SYN3: variants seen among roughly 807,000 people sequenced by gnomAD.
The protein encoded by SYN3 is synapsin III.
Under a neutral mutation model 65.8 loss-of-function variants are expected in SYN3, and 35 were observed. That is an observed-to-expected ratio of 0.53 (90% CI 0.41 to 0.70). The LOEUF (loss-of-function observed/expected upper bound fraction) is 0.70. Among genes scored for constraint, SYN3 ranks in the 30% least tolerant of loss-of-function variants. SYN3 has a pLI of 0.00. For missense variants in SYN3, 680 were observed against 749.0 expected (o/e 0.91, Z 1.08); for synonymous variants, 270 against 292.9 (o/e 0.92, Z 0.80).
chr22:32,926,876 C>T (rs192594218), intron 4 of SYN3, among the ~76,000 whole-genome samples: 1 of 152,282 alleles, frequency 6.6e-6, no homozygotes, highest in Non-Finnish European at 1.5e-5. Flanking sequence ...CATTTATAGC[C>T]TTGAAGAGAC....
chr22:33,031,651 A>G (rs540203088), intron 1 of SYN3, among the ~76,000 whole-genome samples: 13 of 151,526 alleles, frequency 8.6e-5, no homozygotes, highest in African/African-American at 2.9e-4. Context: ...CTCATTTTCC[A>G]CATCCGAGCT....
intron 6 of SYN3, among the ~76,000 whole-genome samples, chr22:32,665,233 G>T (rs1156824405): frequency 6.6e-6 from 1 of 151,818 alleles, no homozygotes; most frequent in Non-Finnish European, 1.5e-5. Flanking sequence ...CCTGGCCTCA[G>T]GTGATCCACC....
intron 6 of SYN3, among the ~76,000 whole-genome samples, chr22:32,821,531 G>A (rs1329452189): frequency 1.3e-5 from 2 of 152,204 alleles, no homozygotes; most frequent in Non-Finnish European, 2.9e-5. Context: ...TAACAGACAG[G>A]GATGGAGTGG....
chr22:32,573,344 A>G (rs2058805315), intron 7 of SYN3, among the ~76,000 whole-genome samples: 2 of 152,180 alleles, frequency 1.3e-5, no homozygotes, highest in East Asian at 3.9e-4. Flanking sequence ...TTCTGGTGCA[A>G]TCCTCAGAAT....
chr22:33,041,453 C>T (rs1039998622), intron 1 of SYN3, among the ~76,000 whole-genome samples: 4 of 151,948 alleles, frequency 2.6e-5, no homozygotes, highest in African/African-American at 9.7e-5. Flanking sequence ...CGCCACCACA[C>T]CCAGCTAATA....
intron 6 of SYN3, among the ~76,000 whole-genome samples, chr22:32,741,349 T>G (rs1415047245): frequency 8.2e-6 from 1 of 121,850 alleles, no homozygotes; most frequent in African/African-American, 3.8e-5. Context: ...AGAGCCCAAT[T>G]TTTTTTTTTT....
chr22:33,009,749 TAAACACAC>T (rs1569402511), intron 1 of SYN3, among the ~76,000 whole-genome samples: 1 of 90,132 alleles, frequency 1.1e-5, no homozygotes, highest in Non-Finnish European at 2.4e-5. Flanking sequence ...TATACGTATC[TAAACACAC>T]ACACACACAC....
At chr22:32,534,065 A>G (rs2058122353) in intron 9 of SYN3, among the ~76,000 whole-genome samples, 170 bp from the exon 10 acceptor site, 1 of 152,196 alleles carries the variant, frequency 6.6e-6, no homozygotes, top group Non-Finnish European at 1.5e-5. Context: ...AAAGACGGAG[A>G]GAGAGTTGGA....
intron 6 of SYN3, among the ~76,000 whole-genome samples, chr22:32,785,833 G>A (rs917704574): frequency 6.6e-6 from 1 of 152,176 alleles, no homozygotes; most frequent in African/African-American, 2.4e-5. Context: ...ACAGGACTGT[G>A]TCTGTCTTGC....
chr22:32,583,180 G>A (rs548798789), intron 7 of SYN3: 4 of 152,406 alleles, frequency 2.6e-5, no homozygotes, highest in African/African-American at 9.6e-5. Context: ...CACATGGACA[G>A]ACACACACCC....
intron 4 of SYN3, among the ~76,000 whole-genome samples, chr22:32,910,068 C>G (rs906363563): frequency 6.6e-6 from 1 of 152,148 alleles, no homozygotes; most frequent in Non-Finnish European, 1.5e-5. Flanking sequence ...AGCCACTGCT[C>G]TGGGAAATCA....
intron 1 of SYN3, among the ~76,000 whole-genome samples, chr22:33,041,391 C>G (rs962338982): frequency 6.6e-6 from 1 of 150,550 alleles, no homozygotes; most frequent in Non-Finnish European, 1.5e-5. Context: ...CCCAGGTTCA[C>G]GCCATTCTGC....
intron 4 of SYN3, among the ~76,000 whole-genome samples, chr22:32,924,286 CT>C (rs1433107193): frequency 6.6e-6 from 1 of 152,226 alleles, no homozygotes; most frequent in Non-Finnish European, 1.5e-5. Context: ...TCACAGGCTA[CT>C]TAGTGTGTGT....
chr22:32,572,417 T>C (rs2058783533), intron 7 of SYN3, among the ~76,000 whole-genome samples: 1 of 4,304 alleles, frequency 2.3e-4, no homozygotes, highest in Non-Finnish European at 6.9e-4. Context: ...CTGTCTTTCC[T>C]TCCTTCTTCC....
At chr22:32,850,564 C>A (rs1041176008) in intron 6 of SYN3, among the ~76,000 whole-genome samples, 2 of 152,008 alleles carry the variant, frequency 1.3e-5, no homozygotes, top group African/African-American at 4.8e-5. Flanking sequence ...CCAGGGAGGC[C>A]GTGAGGGAGA....
intron 3 of SYN3, among the ~76,000 whole-genome samples, chr22:32,942,117 G>C (rs1227879731): frequency 6.6e-6 from 1 of 152,222 alleles, no homozygotes; most frequent in Non-Finnish European, 1.5e-5. Context: ...CCAGCATGGA[G>C]TTTGAGATCT....
intron 6 of SYN3, among the ~76,000 whole-genome samples, chr22:32,718,267 C>T (rs1178498661): frequency 6.6e-6 from 1 of 152,090 alleles, no homozygotes; most frequent in Non-Finnish European, 1.5e-5. Context: ...CTGCCTTGCC[C>T]TCTCCATCAG....
At chr22:32,831,338 G>A (rs1027964959) in intron 6 of SYN3, among the ~76,000 whole-genome samples, 1 of 152,214 alleles carries the variant, frequency 6.6e-6, no homozygotes, top group Non-Finnish European at 1.5e-5. Context: ...CCAGAGAAGA[G>A]GTGAATTGTT....
chr22:32,818,733 G>T (rs529949082), intron 6 of SYN3, among the ~76,000 whole-genome samples: 1 of 152,156 alleles, frequency 6.6e-6, no homozygotes, highest in African/African-American at 2.4e-5. Flanking sequence ...CACTGTGGCC[G>T]GCCTAGGGGG....
Sources: gnomAD v4.1 joint callset for allele counts (sites outside exome capture counted in the v4.1 genomes callset) on GRCh38, gnomAD v4.1.1 for gene constraint, MANE v1.5 for transcripts, NCBI Gene and HGNC (gene_info 2026-07-23, HGNC 2026-07-21) for gene names.